The following KDM6A variants were observed in gnomAD, a reference collection of about 807,000 sequenced individuals.
KDM6A encodes the protein lysine-specific demethylase 6A.
In KDM6A, 11 loss-of-function variants were observed where a neutral mutation model predicts 117.6. The observed-to-expected ratio is 0.09, with a 90% confidence interval of 0.06 to 0.15. The LOEUF (loss-of-function observed/expected upper bound fraction) is 0.15, where lower values mean the gene tolerates loss of function less well. Ranked by LOEUF, KDM6A falls within the 10% of genes least tolerant of loss-of-function variation. The pLI is 1.00. For missense variants in KDM6A, 799 were observed against 1,077.3 expected, an observed-to-expected ratio of 0.74 and a Z score of 3.62; for synonymous variants, 384 against 396.1, an observed-to-expected ratio of 0.97 and a Z score of 0.36.
intron 27 of KDM6A, among the ~76,000 whole-genome samples, chrX:45,091,754 A>G (rs2148209054): frequency 8.9e-6 from 1 of 112,206 alleles, no homozygotes; most frequent in African/African-American, 3.2e-5. Context: ...ATTGATAAAA[A>G]TAAGTTTGTC....
chrX:44,923,093 A>T (rs1198252264), intron 2 of KDM6A, among the ~76,000 whole-genome samples: 1 of 111,565 alleles, frequency 9.0e-6, no homozygotes, highest in African/African-American at 3.3e-5. Context: ...TTTTGAGGTG[A>T]AGTTTTCTGT....
intron 4 of KDM6A, among the ~76,000 whole-genome samples, chrX:44,982,860 A>G (rs1441035156): frequency 8.9e-6 from 1 of 111,824 alleles, no homozygotes; most frequent in East Asian, 2.8e-4. Context: ...GAATTTTTGT[A>G]ACAGGAGAAC....
At chrX:45,001,737 A>G (rs927144760) in intron 4 of KDM6A, among the ~76,000 whole-genome samples, 2 of 111,685 alleles carry the variant, frequency 1.8e-5, no homozygotes, top group Non-Finnish European at 3.8e-5. Flanking sequence ...CTTTAGTTTG[A>G]TAGTGTTTTC....
chrX:45,003,558 C>A (rs1043181139), intron 4 of KDM6A, among the ~76,000 whole-genome samples: 1 of 110,720 alleles, frequency 9.0e-6, no homozygotes, highest in Non-Finnish European at 1.9e-5. Context: ...TGCTTTTGGG[C>A]TATGCCCTTG....
At chrX:45,076,962 G>T in intron 19 of KDM6A, 136 bp downstream of exon 19, 1 of 531,270 alleles carries the variant, frequency 1.9e-6, no homozygotes, top group Non-Finnish European at 3.1e-6. Context: ...TTGGGGGCGG[G>T]GGGGAAGATA....
chrX:45,058,873 A>G, intron 10 of KDM6A, 133 bp from the exon 11 acceptor site: 1 of 529,277 alleles, frequency 1.9e-6, no homozygotes, highest in Non-Finnish European at 3.3e-6. Context: ...ACATACATAC[A>G]CATAAATATA....
At chrX:45,007,056 C>T (rs1271564509) in intron 4 of KDM6A, among the ~76,000 whole-genome samples, 2 of 112,181 alleles carry the variant, frequency 1.8e-5, no homozygotes, top group South Asian at 7.4e-4. Flanking sequence ...GAAATTGATC[C>T]AGTCATAGTG....
At chrX:45,035,934 C>T (rs896886207) in intron 7 of KDM6A, among the ~76,000 whole-genome samples, 17 of 110,728 alleles carry the variant, frequency 1.5e-4, no homozygotes, top group Non-Finnish European at 2.8e-4. Context: ...CTCCTGACCT[C>T]GTGATCCTCC....
chrX:44,932,084 C>CTTTTTTTTTTTTTTT (rs796121677), intron 2 of KDM6A, among the ~76,000 whole-genome samples: 1 of 17,074 alleles, frequency 5.9e-5, no homozygotes, highest in Non-Finnish European at 9.8e-5. Flanking sequence ...TCTAGGTAGC[C>CTTTTTTTTTTTTTTT]TTTTTTTTTT....
At chrX:44,998,733 G>A (rs1410180760) in intron 4 of KDM6A, among the ~76,000 whole-genome samples, 2 of 111,387 alleles carry the variant, frequency 1.8e-5, no homozygotes, top group Non-Finnish European at 3.8e-5. Context: ...TGATGTTTTT[G>A]TAATATTTTG....
At chrX:44,899,997 G>T (rs1048643705) in intron 2 of KDM6A, among the ~76,000 whole-genome samples, 1 of 111,963 alleles carries the variant, frequency 8.9e-6, no homozygotes, top group Non-Finnish European at 1.9e-5. Flanking sequence ...TAACTAGAAG[G>T]CTTACTTTTG....
intron 2 of KDM6A, among the ~76,000 whole-genome samples, chrX:44,934,217 T>TAA (rs2036837467): frequency 1.8e-5 from 2 of 112,033 alleles, no homozygotes; most frequent in African/African-American, 6.5e-5. Flanking sequence ...CCCTCTTTGC[T>TAA]TTATATTTGG....
At chrX:44,894,850 C>T (rs1033783168) in intron 2 of KDM6A, among the ~76,000 whole-genome samples, 102 of 106,809 alleles carry the variant, frequency 9.5e-4, no homozygotes, top group Middle Eastern at 4.9e-3. Flanking sequence ...TCACTGCAAC[C>T]TCCGGCTCCC....
intron 4 of KDM6A, among the ~76,000 whole-genome samples, chrX:45,005,032 T>C (rs955369378): frequency 9.0e-6 from 1 of 110,635 alleles, no homozygotes; most frequent in East Asian, 2.8e-4. Context: ...GGCCCCCCCC[T>C]CCTTATGGTA....
At chrX:44,991,014 A>G (rs993591874) in intron 4 of KDM6A, among the ~76,000 whole-genome samples, 1 of 112,340 alleles carries the variant, frequency 8.9e-6, no homozygotes, top group Non-Finnish European at 1.9e-5. Flanking sequence ...GATAAAACCA[A>G]CCTGTTAAAC....
intron 2 of KDM6A, among the ~76,000 whole-genome samples, chrX:44,941,672 T>A (rs759232056): frequency 8.2e-5 from 9 of 109,392 alleles, no homozygotes; most frequent in African/African-American, 3.0e-4. Flanking sequence ...TTAGTAGAGA[T>A]GGGGTTTCAC....
At chrX:44,965,727 A>G (rs2147203302) in intron 3 of KDM6A, among the ~76,000 whole-genome samples, 1 of 112,149 alleles carries the variant, frequency 8.9e-6, no homozygotes, top group East Asian at 2.8e-4. Context: ...AACAATAATA[A>G]TGAAAATGTA....
chrX:45,096,038 T>C (rs1006071480), intron 27 of KDM6A, among the ~76,000 whole-genome samples: 2 of 111,796 alleles, frequency 1.8e-5, no homozygotes, highest in Non-Finnish European at 3.8e-5. Context: ...CCCCTTTTTT[T>C]CCTTTGAATC....
At chrX:45,082,463 C>T in intron 21 of KDM6A, 113 bp from the exon 22 acceptor site, 2 of 536,574 alleles carry the variant, frequency 3.7e-6, no homozygotes, top group Non-Finnish European at 6.4e-6. Context: ...AACTTAGTTT[C>T]AAAACACAAA....
Sources: allele counts gnomAD v4.1 joint callset (sites outside exome capture counted in the v4.1 genomes callset), GRCh38; gene constraint gnomAD v4.1.1; transcripts MANE v1.5; gene names NCBI Gene and HGNC (gene_info 2026-07-23, HGNC 2026-07-21).